The following EYS variants were observed in gnomAD, a reference collection of about 807,000 sequenced individuals.
EYS encodes protein eyes shut homolog.
Under a neutral mutation model 282.1 loss-of-function variants are expected in EYS, and 250 were observed. The ratio of observed to expected loss-of-function variants is 0.89; its 90% CI spans 0.80 to 0.98. The LOEUF (loss-of-function observed/expected upper bound fraction) is 0.98, where lower values mean the gene tolerates loss of function less well. EYS is among the 50% of genes least tolerant of loss of function. EYS has a pLI of 0.00. For missense variants in EYS, 4,016 were observed against 3,709.0 expected (o/e 1.08, Z -2.15); for synonymous variants, 1,355 against 1,282.9 (o/e 1.06, Z -1.20).
chr6:63,873,851 T>C (rs1375822651), intron 35 of EYS, among the ~76,000 whole-genome samples: 1 of 152,214 alleles, frequency 6.6e-6, no homozygotes, highest in Non-Finnish European at 1.5e-5. Flanking sequence ...TTTTTATTTT[T>C]TCTTGTAAAT....
intron 12 of EYS, among the ~76,000 whole-genome samples, chr6:65,271,456 A>G (rs1468981400): frequency 6.6e-6 from 1 of 152,022 alleles, no homozygotes; most frequent in Non-Finnish European, 1.5e-5. Flanking sequence ...GGAGGGCCAC[A>G]TGCTTTACTC....
At chr6:64,571,566 A>C (rs573715376) in intron 26 of EYS, among the ~76,000 whole-genome samples, 1 of 152,224 alleles carries the variant, frequency 6.6e-6, no homozygotes, top group South Asian at 2.1e-4. Context: ...GAAGAATCAA[A>C]TAGACACAAT....
chr6:63,802,947 C>T (rs1770816007), intron 37 of EYS, among the ~76,000 whole-genome samples: 2 of 152,120 alleles, frequency 1.3e-5, no homozygotes, highest in African/African-American at 2.4e-5. Flanking sequence ...AGCATTAATT[C>T]CTCTGCATAC....
intron 2 of EYS, among the ~76,000 whole-genome samples, chr6:65,549,365 T>G (rs1768515353): frequency 6.6e-6 from 1 of 152,220 alleles, no homozygotes; most frequent in African/African-American, 2.4e-5. Context: ...TAAAATACTT[T>G]GGCTCTACTT....
intron 31 of EYS, among the ~76,000 whole-genome samples, chr6:64,126,476 A>T (rs1480677132): frequency 6.6e-6 from 1 of 152,030 alleles, no homozygotes; most frequent in East Asian, 1.9e-4. Context: ...TTGTGTTAAA[A>T]TTCTGGCCTG....
chr6:64,695,587 C>CTTTT (rs70999162), intron 22 of EYS, among the ~76,000 whole-genome samples: 3 of 141,846 alleles, frequency 2.1e-5, no homozygotes, highest in Non-Finnish European at 4.6e-5. Flanking sequence ...TTTCTTTTAA[C>CTTTT]TTTTTTTTTT....
At chr6:65,482,286 T>A (rs1765636816) in intron 5 of EYS, among the ~76,000 whole-genome samples, 1 of 152,174 alleles carries the variant, frequency 6.6e-6, no homozygotes, top group Non-Finnish European at 1.5e-5. Context: ...TTGCCATAAA[T>A]TATCATTCCA....
At chr6:64,215,546 C>T in intron 31 of EYS, among the ~76,000 whole-genome samples, 1 of 152,042 alleles carries the variant, frequency 6.6e-6, no homozygotes, top group African/African-American at 2.4e-5. Flanking sequence ...CTCTAATTTG[C>T]TATAAATGGA....
At chr6:63,734,643 G>C (rs556554953) in intron 41 of EYS, among the ~76,000 whole-genome samples, 3 of 152,074 alleles carry the variant, frequency 2.0e-5, no homozygotes, top group Non-Finnish European at 2.9e-5. Context: ...GAAAGAAGGA[G>C]AGGAATCAAG....
chr6:64,820,265 A>G (rs1047263707), intron 21 of EYS, among the ~76,000 whole-genome samples: 1 of 152,132 alleles, frequency 6.6e-6, no homozygotes, highest in Non-Finnish European at 1.5e-5. Context: ...GAAAAAATCT[A>G]GAATCACATA....
At chr6:64,129,688 G>C (rs1773902016) in intron 31 of EYS, among the ~76,000 whole-genome samples, 2 of 152,144 alleles carry the variant, frequency 1.3e-5, no homozygotes, top group Non-Finnish European at 2.9e-5. Flanking sequence ...TGGTGTTTTA[G>C]ACATGAAGTC....
chr6:63,763,494 A>T (rs1218011307), intron 40 of EYS, among the ~76,000 whole-genome samples: 1 of 151,910 alleles, frequency 6.6e-6, no homozygotes, highest in African/African-American at 2.4e-5. Flanking sequence ...CATAATCCCC[A>T]TGTGTTGTGG....
At chr6:64,076,055 T>A (rs1771761224) in intron 32 of EYS, among the ~76,000 whole-genome samples, 1 of 151,954 alleles carries the variant, frequency 6.6e-6, no homozygotes, top group African/African-American at 2.4e-5. Flanking sequence ...CTTGCAAACA[T>A]ATCTACTTCA....
chr6:65,298,875 T>C (rs1218748478), intron 11 of EYS, among the ~76,000 whole-genome samples: 5 of 152,034 alleles, frequency 3.3e-5, no homozygotes, highest in Non-Finnish European at 4.4e-5. Flanking sequence ...AATATTCTAT[T>C]ATATGAATGT....
At chr6:64,936,853 A>G (rs2224743) in intron 15 of EYS, among the ~76,000 whole-genome samples, 49,628 of 151,142 alleles carry the variant, frequency 0.33, 9,053 homozygotes, top group Admixed American at 0.44. Context: ...ATGGAAGTAC[A>G]AGGATCCCAG....
At chr6:64,613,211 C>T (rs988993214) in intron 24 of EYS, among the ~76,000 whole-genome samples, 1 of 152,024 alleles carries the variant, frequency 6.6e-6, no homozygotes, top group Admixed American at 6.6e-5. Context: ...GACTTTTGAA[C>T]AATCCCATAA....
At chr6:65,039,391 C>A (rs1221946361) in intron 13 of EYS, among the ~76,000 whole-genome samples, 4 of 151,444 alleles carry the variant, frequency 2.6e-5, no homozygotes, top group Non-Finnish European at 5.9e-5. Context: ...AAATTAAACA[C>A]TTTCTTAAGC....
chr6:63,841,291 C>G (rs1316402412), intron 36 of EYS, among the ~76,000 whole-genome samples: 2 of 152,046 alleles, frequency 1.3e-5, no homozygotes, highest in African/African-American at 2.4e-5. Flanking sequence ...TACAATATAA[C>G]AGAATCATTG....
At position 65,014,361 on chromosome 6, in the gene EYS, A is replaced by C. The variant is rs532432349; in HGVS notation, c.2138-16658T>G. On this transcript the variant is annotated intron_variant, in intron 13 of 42. Coordinates refer to ENST00000503581, the MANE Select transcript of EYS (RefSeq NM_001142800.2). Reference sequence around the variant, plus strand: ...GACTTGCAGAAATTGTAAAATAAAAAATGTGACTTGTATTAAATCTATAAG... The same window carrying C: ...GACTTGCAGAAATTGTAAAATAAAACATGTGACTTGTATTAAATCTATAAG... Among the ~76,000 whole-genome samples, 3 of 152,290 alleles carry C rather than the reference A, an allele frequency of 2.0e-5. No individual in the cohort carries two copies. In the South Asian group the frequency reaches 6.2e-4, roughly 32 times the overall value.
Sources: allele counts gnomAD v4.1 joint callset (sites outside exome capture counted in the v4.1 genomes callset), GRCh38; gene constraint gnomAD v4.1.1; transcripts MANE v1.5; gene names NCBI Gene and HGNC (gene_info 2026-07-23, HGNC 2026-07-21).